NARS2: variants seen among roughly 807,000 people sequenced by gnomAD.
NARS2 encodes the protein asparaginyl-tRNA synthetase.
NARS2 carries 60 observed loss-of-function variants against 62.9 expected under a neutral mutation model. That is an observed-to-expected ratio of 0.95 (90% confidence interval 0.77 to 1.18). The LOEUF (loss-of-function observed/expected upper bound fraction) is 1.18. NARS2 is among the 50% of genes most tolerant of loss of function. The pLI is 0.00. For missense variants in NARS2, 619 were observed against 576.4 expected (o/e 1.07, Z -0.76); for synonymous variants, 196 against 200.0 (o/e 0.98, Z 0.17).
rs1167632095 is a variant in NARS2, at chr11:78,448,069, T to C, written c.1165-4311A>G. Among the ~76,000 whole-genome samples, 5 of 152,156 alleles carry C rather than the reference T, an allele frequency of 3.3e-5. No homozygotes were observed. The East Asian group carries it at 5.8e-4, about 18-fold the overall frequency. ...TTCAAATGTCTCACTATAAAAATGA[T>C]AGATAAGTCAGGTGAAGGATCTGCT... On this transcript the variant is annotated intron_variant, in intron 11 of 13. Transcript: ENST00000281038.
chr11:78,480,262 TTTTA>T (rs1176532426), intron 7 of NARS2, among the ~76,000 whole-genome samples: 1 of 152,102 alleles, frequency 6.6e-6, no homozygotes, highest in Admixed American at 6.6e-5. Flanking sequence ...TTTTCTTACA[TTTTA>T]TTTATTTATT....
chr11:78,564,152 G>T (rs924806570), intron 4 of NARS2, among the ~76,000 whole-genome samples: 1 of 151,308 alleles, frequency 6.6e-6, no homozygotes, highest in Admixed American at 6.6e-5. Flanking sequence ...CGCCTGCCTT[G>T]GCCTCCCAAA....
chr11:78,458,631 G>A (rs1177376103), intron 11 of NARS2, among the ~76,000 whole-genome samples: 4 of 152,244 alleles, frequency 2.6e-5, no homozygotes, highest in African/African-American at 4.8e-5. Context: ...ACTACTCGTC[G>A]ACAGTGTGTC....
At chr11:78,529,373 T>C (rs1861402223) in intron 5 of NARS2, among the ~76,000 whole-genome samples, 1 of 152,234 alleles carries the variant, frequency 6.6e-6, no homozygotes, top group Non-Finnish European at 1.5e-5. Context: ...ATATTAATAG[T>C]AATGCTTTTA....
At chr11:78,506,786 GC>G (rs2135375751) in intron 6 of NARS2, among the ~76,000 whole-genome samples, 1 of 152,326 alleles carries the variant, frequency 6.6e-6, no homozygotes, top group Non-Finnish European at 1.5e-5. Flanking sequence ...CGATCCACCT[GC>G]CTCAGCCTCC....
At position 78,574,753 on chromosome 11, in the gene NARS2, T is replaced by C; in HGVS notation, c.-265A>G. On this transcript the variant is annotated 5_prime_UTR_variant, in exon 1 of 14. Coordinates refer to ENST00000281038, the MANE Select transcript of NARS2 (RefSeq NM_024678.6). ...AAAGAAACCACGTGCAGTTGGCAGC[T>C]GGGGCGCCCCACTACCCGCGACAAT... is the stretch of plus-strand genomic sequence containing the variant. 1 of 453,744 alleles carries C rather than the reference T, an allele frequency of 2.2e-6. No homozygotes were observed. The highest frequency in any genetic ancestry group is 3.9e-6 in the Non-Finnish European group (1 of 255,158). 28.1% of individuals were successfully genotyped at this position (453,744 alleles called of 1,614,324 possible). A position where few individuals can be genotyped will look rare whatever the true frequency, so the allele number is the denominator to read the frequency against.
chr11:78,522,662 G>T (rs1861173197), intron 6 of NARS2, among the ~76,000 whole-genome samples: 1 of 152,084 alleles, frequency 6.6e-6, no homozygotes, highest in Non-Finnish European at 1.5e-5. Context: ...CATTCTAATT[G>T]GTGTACAATC....
At chr11:78,488,923 G>C (rs1859692856) in intron 7 of NARS2, among the ~76,000 whole-genome samples, 2 of 151,954 alleles carry the variant, frequency 1.3e-5, no homozygotes, top group South Asian at 4.1e-4. Context: ...AGGGGAAAGA[G>C]AAGAGAGGAA....
intron 9 of NARS2, among the ~76,000 whole-genome samples, chr11:78,474,190 G>A (rs1407375476): frequency 6.6e-6 from 1 of 152,110 alleles, no homozygotes; most frequent in African/African-American, 2.4e-5. Context: ...GCTTTTAACA[G>A]TATTGTCATT....
intron 7 of NARS2, among the ~76,000 whole-genome samples, chr11:78,490,775 T>C (rs918489157): frequency 1.3e-5 from 2 of 151,514 alleles, no homozygotes; most frequent in African/African-American, 2.4e-5. Flanking sequence ...AAAAAAAGAA[T>C]AAAGAAAAGA....
At chr11:78,552,476 T>A (rs943962577) in intron 5 of NARS2, among the ~76,000 whole-genome samples, 1 of 152,086 alleles carries the variant, frequency 6.6e-6, no homozygotes, top group Non-Finnish European at 1.5e-5. Context: ...GTCTTTATGG[T>A]GTGAAAGGAA....
intron 5 of NARS2, among the ~76,000 whole-genome samples, chr11:78,550,063 A>T (rs892362017): frequency 6.6e-6 from 1 of 152,206 alleles, no homozygotes; most frequent in Non-Finnish European, 1.5e-5. Flanking sequence ...TTTTGGGCTA[A>T]GCTACTGCAC....
intron 9 of NARS2, among the ~76,000 whole-genome samples, chr11:78,472,410 T>A (rs1858914129): frequency 6.6e-6 from 1 of 152,196 alleles, no homozygotes; most frequent in African/African-American, 2.4e-5. Context: ...ACTACAAAGA[T>A]AATTATTGTC....
intron 4 of NARS2, among the ~76,000 whole-genome samples, chr11:78,565,785 G>T (rs1856722910): frequency 6.6e-6 from 1 of 152,218 alleles, no homozygotes; most frequent in African/African-American, 2.4e-5. Context: ...TCTCAAGGCT[G>T]TAGGTCGGGA....
intron 6 of NARS2, among the ~76,000 whole-genome samples, chr11:78,517,027 G>A (rs985702230): frequency 3.3e-5 from 5 of 152,206 alleles, no homozygotes; most frequent in African/African-American, 1.2e-4. Flanking sequence ...TAATAGGCAG[G>A]AGTTAGCCAG....
At chr11:78,542,169 T>G (rs776889085) in intron 5 of NARS2, among the ~76,000 whole-genome samples, 1 of 152,236 alleles carries the variant, frequency 6.6e-6, no homozygotes, top group Admixed American at 6.5e-5. Context: ...AGGTTTCATT[T>G]AAACAACTAT....
Position 78,465,918 on chromosome 11 carries a change from C to G in NARS2, c.1122G>C (p.Lys374Asn). The G allele has an allele frequency of 6.2e-7, 1 of 1,614,082 alleles. No individual in the cohort carries two copies. Among genetic ancestry groups the G allele is most frequent in the South Asian group, 1.1e-5 (1 of 91,066 alleles). ...CTTCATTATCCCTCATGTAGAAAGGCTTGAGTGTTAATGGATAATTAATAA... is the reference window on the plus strand; with the variant it reads ...CTTCATTATCCCTCATGTAGAAAGGGTTGAGTGTTAATGGATAATTAATAA... ...VFVINYPLTL[K>N]PFYMRDNEDG... The change falls in exon 11 of 14, where the codon AAG becomes AAC. Residue 374 changes from lysine to asparagine, a missense_variant. Coordinates refer to ENST00000281038, the MANE Select transcript of NARS2 (RefSeq NM_024678.6).
At chr11:78,536,918 C>T (rs1266025346) in intron 5 of NARS2, among the ~76,000 whole-genome samples, 1 of 152,124 alleles carries the variant, frequency 6.6e-6, no homozygotes, top group African/African-American at 2.4e-5. Context: ...ACCTTTTATA[C>T]TGTATTTTTA....
chr11:78,488,035 CAAATGTAGGTAAA>C (rs1210048262), intron 7 of NARS2, among the ~76,000 whole-genome samples: 2 of 151,978 alleles, frequency 1.3e-5, no homozygotes, highest in South Asian at 2.1e-4. Flanking sequence ...CTATTACTAC[CAAATGTAGGTAAA>C]TACAACAGAT....
Sources: gnomAD v4.1 joint callset for allele counts (sites outside exome capture counted in the v4.1 genomes callset) on GRCh38, gnomAD v4.1.1 for gene constraint, MANE v1.5 for transcripts, NCBI Gene and HGNC (gene_info 2026-07-23, HGNC 2026-07-21) for gene names.